The following POLR3GL variants were observed in gnomAD, a reference collection of about 807,000 sequenced individuals.
POLR3GL encodes the protein DNA-directed RNA polymerase III subunit RPC7-like.
Under a neutral mutation model 32.4 loss-of-function variants are expected in POLR3GL, and 26 were observed. The observed-to-expected ratio is 0.80, with a 90% CI of 0.59 to 1.11. The LOEUF (loss-of-function observed/expected upper bound fraction) is 1.11. Among genes scored for constraint, POLR3GL ranks in the 50% most tolerant of loss-of-function variants. The pLI is 0.00. For synonymous variants in POLR3GL, 95 were observed against 98.7 expected, an observed-to-expected ratio of 0.96 and a Z score of 0.22; for missense variants, 229 against 280.1, an observed-to-expected ratio of 0.82 and a Z score of 1.30.
At chr1:145,965,226 A>C (rs1367933989) in intron 1 of POLR3GL, among the ~76,000 whole-genome samples, 4 of 152,204 alleles carry the variant, frequency 2.6e-5, no homozygotes, top group African/African-American at 9.7e-5. Flanking sequence ...TTAGAATAGA[A>C]GGTTTTGTAG....
intron 1 of POLR3GL, among the ~76,000 whole-genome samples, chr1:145,967,983 A>G (rs1650114369): frequency 6.6e-6 from 1 of 152,262 alleles, no homozygotes; most frequent in Admixed American, 6.5e-5. Context: ...ATTCAAAACC[A>G]TATTCTTAAC....
At chr1:145,978,293 AG>A in intron 7 of POLR3GL, 67 bp from the exon 8 acceptor site, 1 of 1,343,298 alleles carries the variant, frequency 7.4e-7, no homozygotes, top group Non-Finnish European at 1.1e-6. Flanking sequence ...CTGAGAGGAA[AG>A]GGGTCTGGTA....
intron 4 of POLR3GL, 147 bp downstream of exon 4, chr1:145,977,299 A>T (rs1306887740): frequency 2.2e-6 from 2 of 896,440 alleles, no homozygotes; most frequent in Admixed American, 2.0e-5. Flanking sequence ...ACATTCTCAG[A>T]TTCTACCTGA....
At chr1:145,976,134 G>A (rs917951371) in intron 3 of POLR3GL, among the ~76,000 whole-genome samples, 6 of 152,134 alleles carry the variant, frequency 3.9e-5, no homozygotes, top group Admixed American at 1.3e-4. Context: ...AATTAGCCAG[G>A]CACAGTGGTG....
At chr1:145,965,606 AG>A (rs1240696144) in intron 1 of POLR3GL, among the ~76,000 whole-genome samples, 1 of 152,220 alleles carries the variant, frequency 6.6e-6, no homozygotes, top group East Asian at 1.9e-4. Flanking sequence ...TGCTGATCAT[AG>A]GGAATCCTCT....
In POLR3GL at chr1:145,976,407, T is replaced by A. The variant is rs1327962698; in HGVS notation, c.257-677T>A. 1.9e-4 allele frequency among the ~76,000 whole-genome samples: 29 copies of A among 149,560 alleles called. No homozygotes were observed. The Admixed American group carries it at 1.9e-3, about 10-fold the overall frequency. On this transcript the variant is annotated intron_variant, in intron 3 of 7. Transcript: ENST00000369314. ...GCTTGGCCAACATAGTGAAACCCCG[T>A]CTCTACAAAAAATACAAAAAAATTA...
At chr1:145,971,989 AATATAT>A (rs1165893062) in intron 1 of POLR3GL, among the ~76,000 whole-genome samples, 107 of 66,942 alleles carry the variant, frequency 1.6e-3, no homozygotes, top group Middle Eastern at 0.019. Context: ...AAAAAAAAAA[AATATAT>A]ATATATATAT....
At chr1:145,976,358 C>G (rs782768822) in intron 3 of POLR3GL, among the ~76,000 whole-genome samples, 7 of 151,688 alleles carry the variant, frequency 4.6e-5, no homozygotes, top group Non-Finnish European at 8.8e-5. Context: ...GTGGGCAGAT[C>G]ACGAGGTCAG....
In POLR3GL at chr1:145,977,496, A is replaced by G. The variant is rs972914200; in HGVS notation, c.339A>G (p.Leu113=). 1.2e-6 allele frequency: 2 copies of G among 1,614,064 alleles called. No homozygotes were observed. Among genetic ancestry groups the G allele is most frequent in the Non-Finnish European group, 1.7e-6 (2 of 1,179,980 alleles). ...AIDWNPDWRR[L]PRELKIRVRK... ...CACTATTCCCAGATTGGCGGCGTCT[A>G]CCCCGGGAGCTAAAGATCCGAGTGC... Residue 113 remains leucine (L), a synonymous_variant, in exon 5 of 8, where the codon CTA becomes CTG. Transcript: ENST00000369314.
rs1553763228 is a variant in POLR3GL at position 145,975,322 on chromosome 1, C to T, written c.142C>T (p.Pro48Ser). Residue 48 changes from proline (P) to serine (S), a missense_variant, in exon 3 of 8, where the codon CCA becomes TCA. Pro to Ser is a moderately conservative substitution (Grantham distance 74). Transcript: ENST00000369314. ...GCCTCTTTAGCCCTTGGAGTTCCGC[C>T]CAGTACCTTTGCCCTCAGGCGAGGA... ...SPLFPPLEFR[P>S]VPLPSGEEGE... The T allele has an allele frequency of 6.2e-7, 1 of 1,614,162 alleles. No individual in the cohort carries two copies. Among genetic ancestry groups the T allele is most frequent in the Non-Finnish European group, 8.5e-7 (1 of 1,179,980 alleles).
chr1:145,971,184 TC>T (rs1455897791), intron 1 of POLR3GL, among the ~76,000 whole-genome samples: 2 of 7,824 alleles, frequency 2.6e-4, no homozygotes, highest in East Asian at 3.4e-3. Flanking sequence ...AAACTCCATC[TC>T]AAAAAAAAAA....
At chr1:145,978,236 C>G in intron 7 of POLR3GL, 125 bp from the exon 8 acceptor site, 2 of 1,318,180 alleles carry the variant, frequency 1.5e-6, no homozygotes, top group Non-Finnish European at 2.1e-6. Flanking sequence ...TGCCCCCCTT[C>G]TACAAACTAC....
rs781881226 is a variant in POLR3GL at position 145,975,295 on chromosome 1, C to T, written c.127-12C>T. ...TTTCTCCCTGAACTGACCACTGCCCCTGCCTCTTTAGCCCTTGGAGTTCCG... is the reference window on the plus strand; with the variant it reads ...TTTCTCCCTGAACTGACCACTGCCCTTGCCTCTTTAGCCCTTGGAGTTCCG... On this transcript the variant is annotated splice_polypyrimidine_tract_variant and intron_variant, in intron 2 of 7. Transcript: ENST00000369314. 1 of 1,612,704 alleles carries T rather than the reference C, an allele frequency of 6.2e-7. No homozygotes were observed. Among genetic ancestry groups the T allele is most frequent in the East Asian group, 2.2e-5 (1 of 44,842 alleles).
In POLR3GL at chr1:145,978,357, T is replaced by A; in HGVS notation, c.571-4T>A. The stretch of plus-strand genomic sequence containing the variant: ...GACTTTTACTTTTTTTTTTTCCATT[T>A]CAGGAAACTGATTACATCATGTCAT... On this transcript the variant is annotated splice_polypyrimidine_tract_variant and splice_region_variant and intron_variant, in intron 7 of 7. Transcript: ENST00000369314. 1 of 1,462,738 alleles carries A rather than the reference T, an allele frequency of 6.8e-7. No homozygotes were observed. The highest frequency in any genetic ancestry group is 9.5e-7 in the Non-Finnish European group (1 of 1,053,246). The allele number at this position is 1,462,738 out of a possible 1,614,324, so 90.6% of individuals were successfully genotyped here.
chr1:145,965,585 A>G (rs1334920362), intron 1 of POLR3GL, among the ~76,000 whole-genome samples: 1 of 152,172 alleles, frequency 6.6e-6, no homozygotes, highest in Non-Finnish European at 1.5e-5. Flanking sequence ...GCCAGACACA[A>G]TGCTAAATCA....
At position 145,978,478 on chromosome 1, in the gene POLR3GL, T is replaced by G; in HGVS notation, c.*31T>G. 7.4e-7 allele frequency: 1 copy of G among 1,348,604 alleles called. No homozygotes were observed. Among genetic ancestry groups the G allele is most frequent in the East Asian group, 2.3e-5 (1 of 43,722 alleles). 83.5% of individuals were successfully genotyped at this position (1,348,604 alleles called of 1,614,324 possible). On this transcript the variant is annotated 3_prime_UTR_variant, in exon 8 of 8. Coordinates refer to ENST00000369314, the MANE Select transcript of POLR3GL (RefSeq NM_032305.3). ...GACTCTGGACCCTCGTGTCTTTCTT[T>G]AGGATACAGAGAGTAACTGTACCTA... is the stretch of plus-strand genomic sequence containing the variant.
intron 1 of POLR3GL, among the ~76,000 whole-genome samples, chr1:145,973,961 T>TTAAAA (rs1553763033): frequency 9.5e-6 from 1 of 104,938 alleles, no homozygotes. Context: ...TCCAGTCTCT[T>TTAAAA]AAAAAAAAAA....
At chr1:145,977,281 G>C (rs1553763585) in intron 4 of POLR3GL, 129 bp downstream of exon 4, 4 of 922,084 alleles carry the variant, frequency 4.3e-6, no homozygotes, top group Non-Finnish European at 7.1e-6. Flanking sequence ...CCTTAGTTAT[G>C]GTCCAACACA....
At chr1:145,970,163 G>A (rs1213078712) in intron 1 of POLR3GL, among the ~76,000 whole-genome samples, 1 of 151,788 alleles carries the variant, frequency 6.6e-6, no homozygotes, top group Non-Finnish European at 1.5e-5. Flanking sequence ...TTAGCTTTTT[G>A]TTTTGAGACA....
Sources: gnomAD v4.1 joint callset for allele counts (sites outside exome capture counted in the v4.1 genomes callset) on GRCh38, gnomAD v4.1.1 for gene constraint, MANE v1.5 for transcripts, NCBI Gene and HGNC (gene_info 2026-07-23, HGNC 2026-07-21) for gene names.